Variants in OR2L13 observed in about 807,000 individuals in gnomAD.
OR2L13 encodes olfactory receptor family 2 subfamily L member 13, also known as olfactory receptor 2L13.
OR2L13 carries 14 observed loss-of-function variants against 15.3 expected under a neutral mutation model. That is an observed-to-expected ratio of 0.91 (90% confidence interval 0.60 to 1.43). OR2L13 has a LOEUF of 1.43. Ranked by LOEUF, OR2L13 falls within the 40% of genes most tolerant of loss-of-function variation. The pLI is 0.00. For missense variants in OR2L13, 367 were observed against 387.9 expected (o/e 0.95, Z 0.45); for synonymous variants, 152 against 142.9 (o/e 1.06, Z -0.45).
At chr1:247,975,668 T>C in the OR2L13 span, 1 of 1,062,840 alleles carries the variant, frequency 9.4e-7, no homozygotes, top group East Asian at 2.4e-5. Flanking sequence ...AAGACAAACT[T>C]TCTGCCTTAG....
the OR2L13 span, chr1:247,965,794 A>G: frequency 6.2e-7 from 1 of 1,604,736 alleles, no homozygotes; most frequent in Non-Finnish European, 8.5e-7. Flanking sequence ...GAGCAAGAAG[A>G]TCTGCTGCCT....
chr1:248,034,154 CA>C, the OR2L13 span, among the ~76,000 whole-genome samples: 17 of 152,268 alleles, frequency 1.1e-4, 1 homozygote, highest in South Asian at 2.1e-3. Flanking sequence ...TGAAAGAAAT[CA>C]TAGACGAAAC....
chr1:248,058,627 C>A, the OR2L13 span, among the ~76,000 whole-genome samples: 1 of 151,410 alleles, frequency 6.6e-6, no homozygotes, highest in Non-Finnish European at 1.5e-5. Flanking sequence ...GAAATTTTTC[C>A]GAGGAAATAG....
chr1:247,940,199 G>A, the OR2L13 span, among the ~76,000 whole-genome samples: 1 of 152,004 alleles, frequency 6.6e-6, no homozygotes, highest in Non-Finnish European at 1.5e-5. Context: ...TTTGTTGGAA[G>A]CATGAATACA....
chr1:248,061,585 C>T, the OR2L13 span: 47 of 1,612,800 alleles, frequency 2.9e-5, no homozygotes, highest in Admixed American at 8.4e-5. Flanking sequence ...GGCCCTGACA[C>T]GAGTGAGTCA....
At chr1:248,029,771 A>G in the OR2L13 span, among the ~76,000 whole-genome samples, 1 of 152,228 alleles carries the variant, frequency 6.6e-6, no homozygotes, top group African/African-American at 2.4e-5. Flanking sequence ...CTAAATAACA[A>G]CATTCAAACT....
At chr1:248,087,735 A>G in the OR2L13 span, among the ~76,000 whole-genome samples, 3 of 152,188 alleles carry the variant, frequency 2.0e-5, no homozygotes, top group Admixed American at 2.0e-4. Flanking sequence ...AGTATTTCCT[A>G]AGGGTAAATG....
the OR2L13 span, chr1:247,981,026 A>G: frequency 6.6e-6 from 1 of 150,592 alleles, no homozygotes; most frequent in African/African-American, 2.5e-5. Flanking sequence ...TTTCAGAAAT[A>G]GAATTGAAGT....
At chr1:248,059,149 T>C in the OR2L13 span, among the ~76,000 whole-genome samples, 1 of 152,194 alleles carries the variant, frequency 6.6e-6, no homozygotes, top group East Asian at 1.9e-4. Flanking sequence ...TGATTATGCA[T>C]ATTTCTGTGT....
chr1:248,020,423 C>T, the OR2L13 span, among the ~76,000 whole-genome samples: 1 of 152,118 alleles, frequency 6.6e-6, no homozygotes, highest in Non-Finnish European at 1.5e-5. Context: ...GTTCTATTCA[C>T]CAACAGCAGC....
chr1:247,982,168 T>C, the OR2L13 span, among the ~76,000 whole-genome samples: 577 of 152,310 alleles, frequency 3.8e-3, 6 homozygotes, highest in African/African-American at 0.013. Context: ...TAATAATTTT[T>C]CTTTGAAAAT....
the OR2L13 span, chr1:247,949,851 A>T: frequency 7.2e-7 from 1 of 1,382,174 alleles, no homozygotes; most frequent in South Asian, 1.4e-5. Flanking sequence ...TCAGCAGTGT[A>T]TAGTAATTAA....
the OR2L13 span, chr1:247,965,987 T>C: frequency 1.1e-5 from 17 of 1,611,812 alleles, no homozygotes; most frequent in Non-Finnish European, 1.4e-5. Context: ...CTGAGTGGAC[T>C]TATTATCTTG....
At chr1:248,098,021 T>C (rs1020483225) in intron 1 of OR2L13, among the ~76,000 whole-genome samples, 1 of 152,224 alleles carries the variant, frequency 6.6e-6, no homozygotes, top group Non-Finnish European at 1.5e-5. Context: ...GGATAGTTCT[T>C]ACTGATAGAA....
the OR2L13 span, among the ~76,000 whole-genome samples, chr1:248,034,372 C>T: frequency 3.3e-5 from 5 of 152,016 alleles, no homozygotes; most frequent in East Asian, 3.9e-4. Flanking sequence ...AATCTGGAGG[C>T]GTTTGGTAAG....
the OR2L13 span, among the ~76,000 whole-genome samples, chr1:248,024,481 T>C: frequency 6.6e-6 from 1 of 152,206 alleles, no homozygotes; most frequent in Non-Finnish European, 1.5e-5. Flanking sequence ...TAAAATACAC[T>C]GTGTATCCAT....
At chr1:247,966,114 T>G in the OR2L13 span, 4 of 1,609,776 alleles carry the variant, frequency 2.5e-6, no homozygotes, top group East Asian at 8.9e-5. Flanking sequence ...CCCACCTGAT[T>G]GTGGCAAGCC....
the OR2L13 span, chr1:248,039,875 C>A: frequency 6.6e-6 from 1 of 151,992 alleles, no homozygotes; most frequent in Non-Finnish European, 1.5e-5. Flanking sequence ...ATAAGTTTAC[C>A]TGAGGATAAA....
At chr1:248,022,443 C>T in the OR2L13 span, 1,475 of 1,614,132 alleles carry the variant, frequency 9.1e-4, 10 homozygotes, top group African/African-American at 0.018. Context: ...ATTCCGTATC[C>T]CATATTGCAA....
Sources: gnomAD v4.1 joint callset for allele counts (sites outside exome capture counted in the v4.1 genomes callset) on GRCh38, gnomAD v4.1.1 for gene constraint, MANE v1.5 for transcripts, NCBI Gene and HGNC (gene_info 2026-07-23, HGNC 2026-07-21) for gene names.